RPS6: variants seen among roughly 807,000 people sequenced by gnomAD.
RPS6 encodes the protein ribosomal protein S6.
A neutral mutation model predicts 27.1 loss-of-function variants in RPS6; 1 was observed. The ratio of observed to expected loss-of-function variants is 0.04; its 90% CI spans 0.01 to 0.18. RPS6 has a LOEUF of 0.18. RPS6 is among the 10% of genes least tolerant of loss of function. The probability of loss-of-function intolerance (pLI) is 1.00; values close to 1 mark genes in which losing one functional copy is unlikely to be tolerated. For synonymous variants in RPS6, 152 were observed against 106.0 expected (o/e 1.43, Z -2.66); for missense variants, 259 against 319.1 (o/e 0.81, Z 1.44).
intron 2 of RPS6, 149 bp downstream of exon 2, chr9:19,379,338 T>C (rs774356996): frequency 1.3e-6 from 2 of 1,532,258 alleles, no homozygotes; most frequent in East Asian, 4.9e-5. Context: ...TCCAAGGTAA[T>C]ACCTCTAACT....
In RPS6 at chr9:19,379,072, G is replaced by C; in HGVS notation, c.139-154C>G. On this transcript the variant is annotated intron_variant, in intron 2 of 5. Coordinates refer to ENST00000380394, the MANE Select transcript of RPS6 (RefSeq NM_001010.3). Reference sequence around the variant, plus strand: ...ACGTTTTCTCTGTTCAGTGAGTTTTGTCTATATTCCCAACTTGTCAAGTTC... The same window carrying C: ...ACGTTTTCTCTGTTCAGTGAGTTTTCTCTATATTCCCAACTTGTCAAGTTC... 3.5e-6 allele frequency: 3 copies of C among 846,638 alleles called. No individual in the cohort carries two copies. In the East Asian group the frequency reaches 8.0e-5, roughly 23 times the overall value. 52.4% of individuals were successfully genotyped at this position (846,638 alleles called of 1,614,324 possible).
rs1232029734 is a variant in RPS6, at chr9:19,378,345, C to G, written c.496+23G>C. 6 of 1,607,996 alleles carry G rather than the reference C, an allele frequency of 3.7e-6. No individual in the cohort carries two copies. The African/African-American group carries it at 6.7e-5, about 18-fold the overall frequency. On this transcript the variant is annotated intron_variant, in intron 4 of 5. Coordinates refer to ENST00000380394, the MANE Select transcript of RPS6 (RefSeq NM_001010.3). Reference sequence around the variant, plus strand: ...GACAAATTACCAAAATTAAGCAAGCCCTAATTGCATAATCCCTCCTACCTT... The same window carrying G: ...GACAAATTACCAAAATTAAGCAAGCGCTAATTGCATAATCCCTCCTACCTT...
intron 3 of RPS6, 86 bp from the exon 4 acceptor site, chr9:19,378,600 G>A (rs900369176): frequency 8.9e-6 from 14 of 1,576,370 alleles, no homozygotes; most frequent in African/African-American, 2.7e-5. Flanking sequence ...ATTGATGGTA[G>A]AGAAACAAAT....
intron 4 of RPS6, chr9:19,376,958 TTTGTCTGTGAAAACCAC>T (rs202219937): frequency 0.011 from 2,312 of 208,826 alleles, 61 homozygotes; most frequent in African/African-American, 0.05. Context: ...GCATAGTTAA[TTTGTCTGTGAAAACCAC>T]TTAACACATT....
chr9:19,377,774 C>CTA (rs1829612718), intron 4 of RPS6, among the ~76,000 whole-genome samples: 1 of 152,190 alleles, frequency 6.6e-6, no homozygotes, highest in Non-Finnish European at 1.5e-5. Flanking sequence ...AGTAAGGTCT[C>CTA]TAACTTCTAA....
At chr9:19,379,418 C>T (rs1829642805) in intron 2 of RPS6, 69 bp downstream of exon 2, 1 of 1,597,796 alleles carries the variant, frequency 6.3e-7, no homozygotes. Flanking sequence ...AACCCCATTC[C>T]AAATACCAGT....
Position 19,376,211 on chromosome 9 carries a change from TTCA to T in RPS6, c.*79_*81del. On this transcript the variant is annotated 3_prime_UTR_variant, in exon 6 of 6. Transcript: ENST00000380394. ...TTTCTATGACCTAACTTTCCCTCTC[TTCA>T]TTTATGTAGTTTTCTATCAGCAATG... The T allele has an allele frequency of 1.6e-6, 2 of 1,218,160 alleles. No individual in the cohort carries two copies. Among genetic ancestry groups the T allele is most frequent in the South Asian group, 1.4e-5 (1 of 73,014 alleles). The allele number at this position is 1,218,160 out of a possible 1,614,324, so 75.5% of individuals were successfully genotyped here. A position where few individuals can be genotyped will look rare whatever the true frequency, so the allele number is the denominator to read the frequency against.
Position 19,379,541 on chromosome 9 carries a change from A to G in RPS6, c.84T>C (p.Tyr28=). 6.2e-7 allele frequency: 1 copy of G among 1,614,198 alleles called. No homozygotes were observed. Among genetic ancestry groups the G allele is most frequent in the Non-Finnish European group, 8.5e-7 (1 of 1,180,040 alleles). ...CAACTTCTGTGGCCATACGCTTCTC[A>G]TAGAAAGTACGAAGTTTGCGTTCAT... The part of the protein sequence containing the change: ...VDDERKLRTF[Y]EKRMATEVAA... Residue 28 remains tyrosine (Y), a synonymous_variant, in exon 2 of 6, where the codon TAT becomes TAC. Coordinates refer to ENST00000380394, the MANE Select transcript of RPS6 (RefSeq NM_001010.3).
chr9:19,378,888 C>T lies in RPS6; in HGVS notation c.169G>A (p.Asp57Asn). 1 of 1,614,118 alleles carries T rather than the reference C, an allele frequency of 6.2e-7. No homozygotes were observed. The highest frequency in any genetic ancestry group is 8.5e-7 in the Non-Finnish European group (1 of 1,180,004). The change falls in exon 3 of 6, where the codon GAC (aspartate) becomes AAC (asparagine). Residue 57 changes from aspartate to asparagine, a missense_variant. Transcript: ENST00000380394. ...TGCTTCATGGGGAAACCTTGTTTGT[C>T]GTTCCCACCACTGATTCGGACCACA... ...GYVVRISGGNDKQGFPMKQGV... is the reference protein window; with the variant it reads ...GYVVRISGGNNKQGFPMKQGV...
intron 4 of RPS6, 93 bp from the exon 5 acceptor site, chr9:19,376,744 G>A (rs781735228): frequency 2.3e-6 from 3 of 1,296,586 alleles, no homozygotes; most frequent in Non-Finnish European, 3.2e-6. Flanking sequence ...AAGCTTAACA[G>A]CATCTATGAA....
chr9:19,376,356 C>A lies in RPS6; in HGVS notation c.687G>T (p.Ala229=), dbSNP rs778266210. ...EAKEKRQEQI[A]KRRRLSSLRA... ...GCAGAGAGGAAAGTCTGCGTCTCTT[C>A]GCAATTTGTTCCTGGCGCTTCTCCT... The change falls in exon 6 of 6, where the codon GCG becomes GCT. Residue 229 remains alanine (A), a synonymous_variant. Coordinates refer to ENST00000380394, the MANE Select transcript of RPS6 (RefSeq NM_001010.3). The A allele has an allele frequency of 6.2e-7, 1 of 1,614,114 alleles. No individual in the cohort carries two copies. Among genetic ancestry groups the A allele is most frequent in the East Asian group, 2.2e-5 (1 of 44,880 alleles).
In RPS6 at chr9:19,376,336, G is replaced by C. The variant is rs1233214248; in HGVS notation, c.707C>G (p.Ser236Cys). Residue 236 changes from serine to cysteine, a missense_variant, in exon 6 of 6, where the codon TCT becomes TGT. Ser to Cys is a moderately radical substitution (Grantham distance 112, BLOSUM62 -1). Around this residue, in one of 3 missense-constraint regions of RPS6, gnomAD observed 191 missense variants for 231.6 expected, o/e 0.82. Coordinates refer to ENST00000380394, the MANE Select transcript of RPS6 (RefSeq NM_001010.3). Reference protein sequence around the residue: ...EQIAKRRRLSSLRASTSKSES... With the variant: ...EQIAKRRRLSCLRASTSKSES... ...AGACTTAGAAGTAGAAGCTCGCAGA[G>C]AGGAAAGTCTGCGTCTCTTCGCAAT... 1 of 1,614,020 alleles carries C rather than the reference G, an allele frequency of 6.2e-7. No individual in the cohort carries two copies. Among genetic ancestry groups the C allele is most frequent in the Non-Finnish European group, 8.5e-7 (1 of 1,180,030 alleles).
rs1219720441 is a variant in RPS6 at position 19,376,411 on chromosome 9, C to G, written c.655-23G>C. On this transcript the variant is annotated intron_variant, in intron 5 of 5. Coordinates refer to ENST00000380394, the MANE Select transcript of RPS6 (RefSeq NM_001010.3). Reference sequence around the variant, plus strand: ...CTCCTAAACAAAACAAAACAGCAAACAGTTAAGGCCTTTCTGGGTTAAAGA... The same window carrying G: ...CTCCTAAACAAAACAAAACAGCAAAGAGTTAAGGCCTTTCTGGGTTAAAGA... 2.5e-6 allele frequency: 4 copies of G among 1,612,982 alleles called. No individual in the cohort carries two copies. The East Asian group carries it at 8.9e-5, about 36-fold the overall frequency.
At position 19,375,967 on chromosome 9, in the gene RPS6, A is replaced by G. The variant is rs1273156931; in HGVS notation, c.*326T>C. 5.3e-6 allele frequency: 1 copy of G among 187,962 alleles called. No homozygotes were observed. Among genetic ancestry groups the G allele is most frequent in the African/African-American group, 2.3e-5 (1 of 42,666 alleles). The allele number at this position is 187,962 out of a possible 1,614,324, so 11.6% of individuals were successfully genotyped here. On this transcript the variant is annotated 3_prime_UTR_variant, in exon 6 of 6. Coordinates refer to ENST00000380394, the MANE Select transcript of RPS6 (RefSeq NM_001010.3). The stretch of plus-strand genomic sequence containing the variant: ...TGTGTATAGTGCTTTAAAGAGCTAT[A>G]TTCCTCAAAAATAAACTATATAAAA...
chr9:19,377,597 C>T (rs565706293), intron 4 of RPS6, among the ~76,000 whole-genome samples: 5 of 152,050 alleles, frequency 3.3e-5, no homozygotes, highest in Non-Finnish European at 7.4e-5. Context: ...TCAGGAAAAC[C>T]CAACCTTGAC....
chr9:19,378,662 G>A, intron 3 of RPS6, 46 bp downstream of exon 3: 1 of 1,601,312 alleles, frequency 6.2e-7, no homozygotes, highest in Non-Finnish European at 8.6e-7. Flanking sequence ...TTGGACAACT[G>A]GCTTTAAATC....
At chr9:19,378,340 CA>C in intron 4 of RPS6, 27 bp downstream of exon 4, 1 of 1,606,090 alleles carries the variant, frequency 6.2e-7, no homozygotes, top group Non-Finnish European at 8.5e-7. Context: ...CAAAATTAAG[CA>C]AGCCCTAATT....
chr9:19,376,721 C>T, intron 4 of RPS6, 70 bp from the exon 5 acceptor site: 1 of 1,455,578 alleles, frequency 6.9e-7, no homozygotes, highest in South Asian at 1.3e-5. Flanking sequence ...TTAAAAACAT[C>T]AGAAATAAAC....
rs554845311 is a variant in RPS6, at chr9:19,380,227, C to G, written c.-32G>C. On this transcript the variant is annotated 5_prime_UTR_variant, in exon 1 of 6. Transcript: ENST00000380394. Reference sequence around the variant, plus strand: ...GCAGCTGAACGCCTCCGAGGCGCCACGGAAAAGAGGGCCAACTTCCGCTTA... The same window carrying G: ...GCAGCTGAACGCCTCCGAGGCGCCAGGGAAAAGAGGGCCAACTTCCGCTTA... 6.2e-7 allele frequency: 1 copy of G among 1,612,498 alleles called. No individual in the cohort carries two copies. The highest frequency in any genetic ancestry group is 8.5e-7 in the Non-Finnish European group (1 of 1,178,554).
Sources: gnomAD v4.1 joint callset for allele counts (sites outside exome capture counted in the v4.1 genomes callset) on GRCh38, gnomAD v4.1.1 for gene constraint, gnomAD v4.1.1 regional missense constraint, MANE v1.5 for transcripts, NCBI Gene and HGNC (gene_info 2026-07-23, HGNC 2026-07-21) for gene names.